COL5A2: variants seen among roughly 807,000 people sequenced by gnomAD.
The protein encoded by COL5A2 is collagen alpha-2(V) chain.
Under a neutral mutation model 208.2 loss-of-function variants are expected in COL5A2, and 23 were observed. The observed-to-expected ratio is 0.11, with a 90% CI of 0.08 to 0.16. The LOEUF is 0.16. Ranked by LOEUF, COL5A2 falls within the 10% of genes least tolerant of loss-of-function variation. The pLI, the probability that COL5A2 is intolerant of heterozygous loss-of-function variation, is 1.00. For synonymous variants in COL5A2, 625 were observed against 628.5 expected (o/e 0.99, Z 0.08); for missense variants, 1,590 against 1,956.4 (o/e 0.81, Z 3.53).
intron 1 of COL5A2, among the ~76,000 whole-genome samples, chr2:189,211,120 C>T (rs1399913620): frequency 6.6e-6 from 1 of 152,044 alleles, no homozygotes; most frequent in Admixed American, 6.6e-5. Flanking sequence ...AAGCGAAAGA[C>T]GTGGGTAAAT....
chr2:189,279,215 C>T, the COL5A2 span, among the ~76,000 whole-genome samples: 3 of 151,132 alleles, frequency 2.0e-5, no homozygotes, highest in African/African-American at 7.3e-5. Flanking sequence ...ATGGCAAGAA[C>T]TTGATAAAGA....
intron 7 of COL5A2, among the ~76,000 whole-genome samples, chr2:189,089,092 G>T (rs1306900004): frequency 6.6e-6 from 1 of 152,184 alleles, no homozygotes; most frequent in African/African-American, 2.4e-5. Context: ...GCAGGTTTAA[G>T]TCTCTTTAAC....
chr2:189,047,298 A>G (rs1307507492), intron 45 of COL5A2, among the ~76,000 whole-genome samples: 3 of 152,156 alleles, frequency 2.0e-5, no homozygotes, highest in Non-Finnish European at 4.4e-5. Context: ...GTTGCACTAT[A>G]TAGTATATAT....
At chr2:189,275,272 G>A in the COL5A2 span, among the ~76,000 whole-genome samples, 1 of 151,964 alleles carries the variant, frequency 6.6e-6, no homozygotes, top group Non-Finnish European at 1.5e-5. Context: ...TGTTAGCAAA[G>A]TATTTTTATT....
At chr2:189,253,532 T>C in the COL5A2 span, among the ~76,000 whole-genome samples, 1 of 152,254 alleles carries the variant, frequency 6.6e-6, no homozygotes, top group Non-Finnish European at 1.5e-5. Flanking sequence ...GCTTTGTGTG[T>C]CTTCGAATTT....
rs547600293 is a variant in COL5A2, at chr2:189,148,021, G to A, written c.97+31487C>T. 5.3e-5 allele frequency among the ~76,000 whole-genome samples: 8 copies of A among 152,184 alleles called. No homozygotes were observed. In the South Asian group the frequency reaches 1.0e-3, roughly 20 times the overall value. ...ATGTCAATGATTATCATTAAAAAGC[G>A]CCATGATGCTCTTAGTATTAATAGA... On this transcript the variant is annotated intron_variant, in intron 1 of 53. Transcript: ENST00000374866.
chr2:189,352,970 T>C, the COL5A2 span, among the ~76,000 whole-genome samples: 1 of 152,066 alleles, frequency 6.6e-6, no homozygotes, highest in Admixed American at 6.6e-5. Flanking sequence ...TTTGTACAAG[T>C]TGTAAGGAAG....
the COL5A2 span, among the ~76,000 whole-genome samples, chr2:189,297,194 T>TAATTATTATCAAAAA: frequency 7.2e-3 from 1,104 of 152,318 alleles, 14 homozygotes; most frequent in African/African-American, 0.025. Context: ...TTATTATCAA[T>TAATTATTATCAAAAA]AGGATAATTA....
At position 189,179,693 on chromosome 2, in the gene COL5A2, C is replaced by G. The variant is rs896071072; in HGVS notation, c.-89G>C. 28 of 1,543,770 alleles carry G rather than the reference C, an allele frequency of 1.8e-5. No homozygotes were observed. The Admixed American group carries it at 2.0e-4, about 11-fold the overall frequency. ...ACCATGAAGTCAGCTGTGGGCTCTT[C>G]TTTCAGCACCAGCCCCAGGGCAGCC... On this transcript the variant is annotated 5_prime_UTR_variant, in exon 1 of 54. Transcript: ENST00000374866.
At chr2:189,043,916 A>G (rs972908443) in intron 47 of COL5A2, among the ~76,000 whole-genome samples, 1 of 152,230 alleles carries the variant, frequency 6.6e-6, no homozygotes, top group Non-Finnish European at 1.5e-5. Context: ...AGCCGTAGTT[A>G]GGGATCTTAT....
At chr2:189,338,263 T>C in the COL5A2 span, among the ~76,000 whole-genome samples, 2 of 152,162 alleles carry the variant, frequency 1.3e-5, no homozygotes, top group African/African-American at 4.8e-5. Context: ...GGCTCTCACC[T>C]TTGCCACCCA....
At chr2:189,115,530 A>C (rs1559111336) in intron 1 of COL5A2, among the ~76,000 whole-genome samples, 1 of 152,282 alleles carries the variant, frequency 6.6e-6, no homozygotes, top group East Asian at 1.9e-4. Context: ...ATATGAAATA[A>C]AAGTCCCTAA....
chr2:189,425,403 G>A, the COL5A2 span, among the ~76,000 whole-genome samples: 3 of 152,088 alleles, frequency 2.0e-5, no homozygotes, highest in Admixed American at 1.3e-4. Flanking sequence ...CTGCACTCTC[G>A]TGTTTACTGC....
At chr2:189,312,072 T>A in the COL5A2 span, 1 of 766,586 alleles carries the variant, frequency 1.3e-6, no homozygotes, top group Non-Finnish European at 2.4e-6. Context: ...AAGATGGGCA[T>A]TGTCGATCTG....
At position 189,033,924 on chromosome 2, in the gene COL5A2, C is replaced by T; in HGVS notation, c.*146G>A. 1.0e-6 allele frequency: 1 copy of T among 977,360 alleles called. No individual in the cohort carries two copies. Among genetic ancestry groups the T allele is most frequent in the Non-Finnish European group, 1.6e-6 (1 of 622,062 alleles). 60.5% of individuals were successfully genotyped at this position (977,360 alleles called of 1,614,324 possible). A position where few individuals can be genotyped will look rare whatever the true frequency, so the allele number is the denominator to read the frequency against. On this transcript the variant is annotated 3_prime_UTR_variant, in exon 54 of 54. Transcript: ENST00000374866. ...TAAATATTCTGAAGGATAAGGAGGC[C>T]AGGCACTTAAGACCATATATACAAT...
chr2:189,059,585 GTTTTTTTTTTTT>G (rs71020980), intron 31 of COL5A2, among the ~76,000 whole-genome samples: 2 of 28,642 alleles, frequency 7.0e-5, no homozygotes, highest in East Asian at 1.1e-3. Context: ...TTCTTTTCTG[GTTTTTTTTTTTT>G]TTTTTTTTTT....
the COL5A2 span, among the ~76,000 whole-genome samples, chr2:189,231,536 A>G: frequency 6.6e-6 from 1 of 151,626 alleles, no homozygotes; most frequent in Non-Finnish European, 1.5e-5. Context: ...GTTTAAGGCA[A>G]CTACATACTG....
the COL5A2 span, among the ~76,000 whole-genome samples, chr2:189,274,945 G>A: frequency 2.6e-5 from 4 of 152,058 alleles, no homozygotes; most frequent in African/African-American, 9.7e-5. Flanking sequence ...TATTGTTTTA[G>A]TTTGTGTTTA....
At chr2:189,064,909 A>G (rs1686114451) in intron 24 of COL5A2, 95 bp downstream of exon 24, 1 of 1,186,320 alleles carries the variant, frequency 8.4e-7, no homozygotes, top group Non-Finnish European at 1.2e-6. Context: ...TCTGGATCTG[A>G]GCCCATGCAG....
Sources: allele counts gnomAD v4.1 joint callset (sites outside exome capture counted in the v4.1 genomes callset), GRCh38; gene constraint gnomAD v4.1.1; transcripts MANE v1.5; gene names NCBI Gene and HGNC (gene_info 2026-07-23, HGNC 2026-07-21).